The following CAMK4 variants were observed in gnomAD, a reference collection of about 807,000 sequenced individuals.
The protein encoded by CAMK4 is calcium/calmodulin-dependent protein kinase type IV.
Under a neutral mutation model 44.9 loss-of-function variants are expected in CAMK4, and 22 were observed. The ratio of observed to expected loss-of-function variants is 0.49; its 90% CI spans 0.35 to 0.70. The LOEUF is 0.70. Among genes scored for constraint, CAMK4 ranks in the 30% least tolerant of loss-of-function variants. The pLI is 0.01. For missense variants in CAMK4, 498 were observed against 586.8 expected (o/e 0.85, Z 1.56); for synonymous variants, 218 against 215.4 (o/e 1.01, Z -0.11).
intron 1 of CAMK4, among the ~76,000 whole-genome samples, chr5:111,273,453 G>C (rs958947900): frequency 6.6e-6 from 1 of 151,376 alleles, no homozygotes; most frequent in Admixed American, 6.6e-5. Flanking sequence ...ACAATACCCA[G>C]TCTTTTATGT....
intron 1 of CAMK4, among the ~76,000 whole-genome samples, chr5:111,256,273 A>G (rs1749740992): frequency 6.6e-6 from 1 of 152,184 alleles, no homozygotes; most frequent in Admixed American, 6.5e-5. Flanking sequence ...GGGATTAGGT[A>G]TGGTGGTGCT....
chr5:111,370,440 A>G lies in CAMK4; in HGVS notation c.241-4410A>G, dbSNP rs142519352. Among the ~76,000 whole-genome samples, 385 of 152,308 alleles carry G rather than the reference A, an allele frequency of 2.5e-3. 1 individual carries two copies. Among genetic ancestry groups the G allele is most frequent in the African/African-American group, 8.3e-3 (347 of 41,570 alleles). Reference sequence around the variant, plus strand: ...TTAAAGGATTCTACTATCACACTTTACATTGATCAGAAATATCTGAAAAAT... The same window carrying G: ...TTAAAGGATTCTACTATCACACTTTGCATTGATCAGAAATATCTGAAAAAT... On this transcript the variant is annotated intron_variant, in intron 2 of 10. Transcript: ENST00000282356.
intron 1 of CAMK4, among the ~76,000 whole-genome samples, chr5:111,238,939 C>G (rs1344057688): frequency 6.7e-6 from 1 of 150,086 alleles, no homozygotes; most frequent in Non-Finnish European, 1.5e-5. Context: ...CTTCCAGGCA[C>G]TAGCACCTTG....
intron 4 of CAMK4, among the ~76,000 whole-genome samples, chr5:111,389,146 G>A (rs1751711451): frequency 6.6e-6 from 1 of 152,180 alleles, no homozygotes; most frequent in African/African-American, 2.4e-5. Flanking sequence ...CTGAGGGGCT[G>A]CTTTTTGATT....
chr5:111,473,570 T>C (rs1284725609), intron 8 of CAMK4, among the ~76,000 whole-genome samples, 184 bp downstream of exon 8: 1 of 152,210 alleles, frequency 6.6e-6, no homozygotes, highest in Non-Finnish European at 1.5e-5. Context: ...TTTTGGAATT[T>C]TCTTGAGACC....
At position 111,231,197 on chromosome 5, in the gene CAMK4, T is replaced by C. The variant is rs1015382767; in HGVS notation, c.161+6553T>C. Among the ~76,000 whole-genome samples, 112 of 152,322 alleles carry C rather than the reference T, an allele frequency of 7.4e-4. 1 individual carries two copies. The highest frequency in any genetic ancestry group is 1.5e-3 in the Non-Finnish European group (100 of 68,026). Reference sequence around the variant, plus strand: ...TCAGAGATTTTCCTCAGTCATTATCTTGTCAGTGGTAAAGATCAAATAAAG... The same window carrying C: ...TCAGAGATTTTCCTCAGTCATTATCCTGTCAGTGGTAAAGATCAAATAAAG... On this transcript the variant is annotated intron_variant, in intron 1 of 10. Transcript: ENST00000282356.
At chr5:111,279,466 C>G (rs1750913588) in intron 1 of CAMK4, among the ~76,000 whole-genome samples, 1 of 151,588 alleles carries the variant, frequency 6.6e-6, no homozygotes, top group Non-Finnish European at 1.5e-5. Context: ...ATGTACCAAC[C>G]AAGCGCAGAT....
At position 111,486,642 on chromosome 5, in the gene CAMK4, C is replaced by T. The variant is rs1755640616; in HGVS notation, c.*2176C>T. Reference sequence around the variant, plus strand: ...CACATCATTCCTCCCTGCCCACCCCCATATTGTTCCAAGGGCAGTTGTTAC... The same window carrying T: ...CACATCATTCCTCCCTGCCCACCCCTATATTGTTCCAAGGGCAGTTGTTAC... On this transcript the variant is annotated 3_prime_UTR_variant, in exon 11 of 11. Transcript: ENST00000282356. 2.6e-5 allele frequency: 4 copies of T among 152,080 alleles called. No homozygotes were observed. Among genetic ancestry groups the T allele is most frequent in the Admixed American group, 2.0e-4 (3 of 15,262 alleles). 9.4% of individuals were successfully genotyped at this position (152,080 alleles called of 1,614,324 possible). A position where few individuals can be genotyped will look rare whatever the true frequency, so the allele number is the denominator to read the frequency against.
intron 2 of CAMK4, among the ~76,000 whole-genome samples, chr5:111,362,004 G>A (rs565824604): frequency 6.6e-5 from 10 of 152,068 alleles, no homozygotes; most frequent in African/African-American, 2.2e-4. Flanking sequence ...TCTCTGTTAA[G>A]AATTAAAAAA....
At chr5:111,324,617 C>G (rs775789115) in intron 1 of CAMK4, among the ~76,000 whole-genome samples, 3 of 151,316 alleles carry the variant, frequency 2.0e-5, no homozygotes, top group Non-Finnish European at 2.9e-5. Context: ...ATTTTAACAC[C>G]CCCCTCTCAA....
At position 111,406,599 on chromosome 5, in the gene CAMK4, A is replaced by G. The variant is rs946567067; in HGVS notation, c.459+11817A>G. On this transcript the variant is annotated intron_variant, in intron 5 of 10. Transcript: ENST00000282356. ...AATGATTAATTAAAGAACAATAAAAATAACAAACTTTTTAAAGACCCACTA... is the reference window on the plus strand; with the variant it reads ...AATGATTAATTAAAGAACAATAAAAGTAACAAACTTTTTAAAGACCCACTA... Among the ~76,000 whole-genome samples, 4 of 152,166 alleles carry G rather than the reference A, an allele frequency of 2.6e-5. No homozygotes were observed. In the East Asian group the frequency reaches 7.7e-4, roughly 29 times the overall value.
intron 5 of CAMK4, among the ~76,000 whole-genome samples, chr5:111,443,263 TATATATATATATATATACACACACAC>T (rs1395360822): frequency 4.4e-5 from 2 of 45,828 alleles, no homozygotes; most frequent in Admixed American, 3.0e-4. Context: ...TATATATATA[TATATATATATATATATACACACACAC>T]ACACACACAC....
rs139004418 is a variant in CAMK4, at chr5:111,486,542, C to CACACACACAT, written c.*2076_*2077insACACACACAT. On this transcript the variant is annotated 3_prime_UTR_variant, in exon 11 of 11. Transcript: ENST00000282356. The stretch of plus-strand genomic sequence containing the variant: ...ACACACACACACACACACACACACA[C>CACACACACAT]GTGTTGGAAGAGCAAAGAGAGGGAA... The CACACACACAT allele has an allele frequency of 0.043, 6,401 of 147,258 alleles. 228 individuals are homozygous for CACACACACAT. Among genetic ancestry groups the CACACACACAT allele is most frequent in the Non-Finnish European group, 0.058 (3,874 of 67,168 alleles). 9.1% of individuals were successfully genotyped at this position (147,258 alleles called of 1,614,324 possible). A position where few individuals can be genotyped will look rare whatever the true frequency, so the allele number is the denominator to read the frequency against.
At chr5:111,232,518 T>C (rs1018853239) in intron 1 of CAMK4, among the ~76,000 whole-genome samples, 3 of 152,088 alleles carry the variant, frequency 2.0e-5, no homozygotes, top group Non-Finnish European at 4.4e-5. Context: ...AGCATGAACA[T>C]TGCAATGGCA....
intron 5 of CAMK4, among the ~76,000 whole-genome samples, chr5:111,397,766 T>A (rs1044732423): frequency 6.6e-6 from 1 of 151,426 alleles, no homozygotes; most frequent in Non-Finnish European, 1.5e-5. Flanking sequence ...TCTAACAGAT[T>A]TCTTTTTTCC....
At chr5:111,286,721 A>C (rs969720605) in intron 1 of CAMK4, among the ~76,000 whole-genome samples, 1 of 152,158 alleles carries the variant, frequency 6.6e-6, no homozygotes, top group Non-Finnish European at 1.5e-5. Context: ...ATATATTTTT[A>C]GTATTATTTC....
At chr5:111,401,106 T>G (rs1301307621) in intron 5 of CAMK4, among the ~76,000 whole-genome samples, 1 of 152,194 alleles carries the variant, frequency 6.6e-6, no homozygotes, top group Non-Finnish European at 1.5e-5. Context: ...TTTGTACATA[T>G]CGAACATAGT....
In CAMK4 at chr5:111,492,608, A is replaced by C. The variant is rs745973419; in HGVS notation, c.*8142A>C. On this transcript the variant is annotated 3_prime_UTR_variant, in exon 11 of 11. Transcript: ENST00000282356. ...TCCCAGAAACTAAACAACATAGTTT[A>C]GGGGATATTAGGCCTACATTCTAAT... is the stretch of plus-strand genomic sequence containing the variant. 12 of 152,210 alleles carry C rather than the reference A, an allele frequency of 7.9e-5. No homozygotes were observed. Among genetic ancestry groups the C allele is most frequent in the Non-Finnish European group, 1.5e-4 (10 of 68,030 alleles). 9.4% of individuals were successfully genotyped at this position (152,210 alleles called of 1,614,324 possible).
rs10524853 is a variant in CAMK4 at position 111,406,194 on chromosome 5, T to TTCTCTCTCTCTCTC, written c.459+11429_459+11442dup. Among the ~76,000 whole-genome samples the TTCTCTCTCTCTCTC allele has an allele frequency of 5.1e-3, 704 of 136,818 alleles. 8 individuals carry two copies. Among genetic ancestry groups the TTCTCTCTCTCTCTC allele is most frequent in the African/African-American group, 0.012 (429 of 35,264 alleles). 89.8% of individuals were successfully genotyped at this position (136,818 alleles called of 152,430 possible). A position where few individuals can be genotyped will look rare whatever the true frequency, so the allele number is the denominator to read the frequency against. On this transcript the variant is annotated intron_variant, in intron 5 of 10. Coordinates refer to ENST00000282356, the MANE Select transcript of CAMK4 (RefSeq NM_001744.6). ...TCCTGTTTCCTTCTCCTAATTTATT[T>TTCTCTCTCTCTCTC]TCTCTCTCTCTCTCTCTCTCTCTCT...
Sources: allele counts gnomAD v4.1 joint callset (sites outside exome capture counted in the v4.1 genomes callset), GRCh38; gene constraint gnomAD v4.1.1; transcripts MANE v1.5; gene names NCBI Gene and HGNC (gene_info 2026-07-23, HGNC 2026-07-21).